The following PCSK5 variants were observed in gnomAD, a reference collection of about 807,000 sequenced individuals.
PCSK5 encodes the protein prohormone convertase 5.
PCSK5 carries 129 observed loss-of-function variants against 233.2 expected under a neutral mutation model. That is an observed-to-expected ratio of 0.55 (90% CI 0.48 to 0.64). The LOEUF (loss-of-function observed/expected upper bound fraction) is 0.64. PCSK5 is among the 30% of genes least tolerant of loss of function. The probability of loss-of-function intolerance (pLI) is 0.00; values close to 1 mark genes in which losing one functional copy is unlikely to be tolerated. For synonymous variants in PCSK5, 825 were observed against 879.2 expected, an observed-to-expected ratio of 0.94 and a Z score of 1.09; for missense variants, 2,076 against 2,430.1, an observed-to-expected ratio of 0.85 and a Z score of 3.06.
intron 24 of PCSK5, among the ~76,000 whole-genome samples, chr9:76,250,724 G>C (rs1268921467): frequency 6.6e-6 from 1 of 152,182 alleles, no homozygotes; most frequent in African/African-American, 2.4e-5. Context: ...TCTCAGGTGG[G>C]ATTCTGAAAC....
chr9:75,979,615 C>G (rs138825003), intron 2 of PCSK5, among the ~76,000 whole-genome samples: 1 of 152,300 alleles, frequency 6.6e-6, no homozygotes, highest in African/African-American at 2.4e-5. Context: ...ATCTGTAGCT[C>G]ATGGATGAAC....
chr9:76,327,912 T>C, intron 32 of PCSK5, 97 bp from the exon 33 acceptor site: 1 of 783,390 alleles, frequency 1.3e-6, no homozygotes. Flanking sequence ...GGAAGAAATG[T>C]GAAAGGAATG....
chr9:76,169,611 T>C (rs1387581590), intron 12 of PCSK5, 93 bp from the exon 13 acceptor site: 1 of 1,241,900 alleles, frequency 8.1e-7, no homozygotes, highest in Admixed American at 1.8e-5. Flanking sequence ...CTGAACTTGC[T>C]AATGGATACA....
chr9:76,357,284 G>C (rs1218244137), intron 37 of PCSK5, among the ~76,000 whole-genome samples: 2 of 152,140 alleles, frequency 1.3e-5, no homozygotes, highest in Non-Finnish European at 2.9e-5. Flanking sequence ...ACTTTGGGAG[G>C]CCGAGGGTGA....
intron 15 of PCSK5, among the ~76,000 whole-genome samples, chr9:76,180,225 C>T (rs564168040): frequency 2.3e-4 from 35 of 151,994 alleles, no homozygotes; most frequent in Non-Finnish European, 4.0e-4. Flanking sequence ...ACACTACTCT[C>T]GTCACAATTT....
At chr9:76,212,564 A>G (rs1375455191) in intron 20 of PCSK5, among the ~76,000 whole-genome samples, 2 of 152,236 alleles carry the variant, frequency 1.3e-5, no homozygotes, top group East Asian at 3.9e-4. Context: ...CTGCTAGATC[A>G]TTCCAACCAG....
intron 20 of PCSK5, among the ~76,000 whole-genome samples, chr9:76,215,698 G>A (rs1825500590): frequency 1.3e-5 from 2 of 152,138 alleles, no homozygotes; most frequent in Admixed American, 1.3e-4. Flanking sequence ...AAGGCAGGCA[G>A]GCGATCCTTC....
intron 7 of PCSK5, among the ~76,000 whole-genome samples, chr9:76,088,625 T>C (rs1402061716): frequency 1.3e-5 from 2 of 152,184 alleles, no homozygotes; most frequent in African/African-American, 2.4e-5. Flanking sequence ...CTCGATTCCA[T>C]ATAATTAATT....
At chr9:76,210,796 A>T (rs891149788) in intron 20 of PCSK5, among the ~76,000 whole-genome samples, 1 of 152,194 alleles carries the variant, frequency 6.6e-6, no homozygotes, top group African/African-American at 2.4e-5. Context: ...ACCATATGGT[A>T]TAGAAATGAT....
In PCSK5 at chr9:76,181,451, G is replaced by T; in HGVS notation, c.2057G>T (p.Cys686Phe). Residue 686 changes from cysteine to phenylalanine, a missense_variant, in exon 16 of 38, where the codon TGC becomes TTC. Cys to Phe is a radical substitution (Grantham distance 205). Coordinates refer to ENST00000674117, the MANE Select transcript of PCSK5 (RefSeq NM_001372043.1). ...CACTACCACGCCGACAAGAAGCGCT[G>T]CAGGAAGTGTGCCCCCAACTGTGAG... ...PGHYHADKKR[C>F]RKCAPNCESC... The T allele has an allele frequency of 6.2e-7, 1 of 1,614,066 alleles. No homozygotes were observed. The highest frequency in any genetic ancestry group is 1.1e-5 in the South Asian group (1 of 91,064).
rs184985676 is a variant in PCSK5 at position 75,931,828 on chromosome 9, T to G, written c.193-551T>G. ...TGTTTTAGATATTGCGATTTTACTT[T>G]TAGTTTTGCAATAAATGCATAATCT... is the stretch of plus-strand genomic sequence containing the variant. On this transcript the variant is annotated intron_variant, in intron 1 of 37. Transcript: ENST00000674117. 2.0e-5 allele frequency among the ~76,000 whole-genome samples: 3 copies of G among 152,348 alleles called. No homozygotes were observed. The East Asian group carries it at 5.8e-4, about 29-fold the overall frequency.
chr9:75,905,063 G>A (rs779544616), intron 1 of PCSK5, among the ~76,000 whole-genome samples: 1 of 152,148 alleles, frequency 6.6e-6, no homozygotes, highest in Non-Finnish European at 1.5e-5. Flanking sequence ...CCACATTATT[G>A]TATCATTCTG....
At chr9:76,331,849 C>T (rs1439953140) in intron 33 of PCSK5, among the ~76,000 whole-genome samples, 1 of 152,150 alleles carries the variant, frequency 6.6e-6, no homozygotes, top group Non-Finnish European at 1.5e-5. Context: ...CAGATTCCCT[C>T]CTAGAGCCTC....
chr9:76,184,939 T>C (rs923766943), intron 17 of PCSK5, among the ~76,000 whole-genome samples, 182 bp downstream of exon 17: 1 of 152,214 alleles, frequency 6.6e-6, no homozygotes, highest in Non-Finnish European at 1.5e-5. Context: ...AAAAATGGGA[T>C]GCTGTGTTGG....
At chr9:76,184,329 G>A (rs1001419676) in intron 16 of PCSK5, among the ~76,000 whole-genome samples, 1 of 151,962 alleles carries the variant, frequency 6.6e-6, no homozygotes, top group Non-Finnish European at 1.5e-5. Flanking sequence ...TTCATGAGGG[G>A]GATTTGCACT....
At chr9:76,026,421 G>A (rs577088180) in intron 4 of PCSK5, among the ~76,000 whole-genome samples, 27 of 152,162 alleles carry the variant, frequency 1.8e-4, no homozygotes, top group South Asian at 1.0e-3. Flanking sequence ...GTCTAATAGC[G>A]GTCCCAAGAT....
intron 30 of PCSK5, among the ~76,000 whole-genome samples, chr9:76,318,556 T>C (rs1200666810): frequency 6.6e-6 from 1 of 152,216 alleles, no homozygotes; most frequent in Non-Finnish European, 1.5e-5. Flanking sequence ...TTGTATATTT[T>C]ACTGTGTTCC....
chr9:76,292,215 A>T lies in PCSK5; in HGVS notation c.3143-18A>T. The T allele has an allele frequency of 6.9e-7, 1 of 1,452,928 alleles. No individual in the cohort carries two copies. The highest frequency in any genetic ancestry group is 1.6e-5 in the African/African-American group (1 of 61,610). 90.0% of individuals were successfully genotyped at this position (1,452,928 alleles called of 1,614,324 possible). A position where few individuals can be genotyped will look rare whatever the true frequency, so the allele number is the denominator to read the frequency against. ...GAATTCCTCATGATTATTACTTTTT[A>T]TTATTTTTTTTTTCCAGATGATCCA... On this transcript the variant is annotated intron_variant, in intron 24 of 37. Coordinates refer to ENST00000674117, the MANE Select transcript of PCSK5 (RefSeq NM_001372043.1).
intron 5 of PCSK5, among the ~76,000 whole-genome samples, chr9:76,042,991 C>A (rs1829188310): frequency 6.6e-6 from 1 of 152,150 alleles, no homozygotes; most frequent in South Asian, 2.1e-4. Flanking sequence ...CCCAACCAAT[C>A]TGCCAAGATT....
Sources: gnomAD v4.1 joint callset for allele counts (sites outside exome capture counted in the v4.1 genomes callset) on GRCh38, gnomAD v4.1.1 for gene constraint, MANE v1.5 for transcripts, NCBI Gene and HGNC (gene_info 2026-07-23, HGNC 2026-07-21) for gene names.